Variants in MED1 observed in about 807,000 individuals in gnomAD.
MED1 encodes mediator of RNA polymerase II transcription subunit 1.
A neutral mutation model predicts 121.3 loss-of-function variants in MED1; 17 were observed. The observed-to-expected ratio is 0.14, with a 90% CI of 0.10 to 0.21. The LOEUF is 0.21. MED1 is among the 10% of genes least tolerant of loss of function. The pLI is 1.00. For synonymous variants in MED1, 661 were observed against 694.4 expected (o/e 0.95, Z 0.76); for missense variants, 1,558 against 1,919.4 (o/e 0.81, Z 3.52).
At chr17:39,450,040 C>T (rs1376843535) in intron 1 of MED1, among the ~76,000 whole-genome samples, 1 of 151,856 alleles carries the variant, frequency 6.6e-6, no homozygotes, top group African/African-American at 2.4e-5. Flanking sequence ...TCTCGATCTC[C>T]CAACCTCAGG....
At chr17:39,443,716 T>C (rs1261865834) in intron 2 of MED1, 88 bp from the exon 3 acceptor site, 1 of 1,050,006 alleles carries the variant, frequency 9.5e-7, no homozygotes, top group Non-Finnish European at 1.5e-6. Flanking sequence ...AGTAGTAATA[T>C]TGCAGGACAG....
At chr17:39,434,595 G>GTT (rs1421293157) in intron 6 of MED1, among the ~76,000 whole-genome samples, 1 of 152,182 alleles carries the variant, frequency 6.6e-6, no homozygotes, top group Admixed American at 6.6e-5. Context: ...TTTACCAGGT[G>GTT]TTTTATTAGC....
intron 6 of MED1, among the ~76,000 whole-genome samples, chr17:39,435,340 C>G (rs1328735153): frequency 6.6e-6 from 1 of 152,080 alleles, no homozygotes; most frequent in African/African-American, 2.4e-5. Context: ...CAGATCTACC[C>G]TAGAAAACAT....
rs2048311787 is a variant in MED1 at position 39,407,348 on chromosome 17, A to G, written c.*127T>C. The G allele has an allele frequency of 7.0e-7, 1 of 1,429,472 alleles. No individual in the cohort carries two copies. Among genetic ancestry groups the G allele is most frequent in the Non-Finnish European group, 9.1e-7 (1 of 1,095,666 alleles). 88.5% of individuals were successfully genotyped at this position (1,429,472 alleles called of 1,614,324 possible). A position where few individuals can be genotyped will look rare whatever the true frequency, so the allele number is the denominator to read the frequency against. The stretch of plus-strand genomic sequence containing the variant: ...TTTCTAATTCACCCAGCTTGATGTC[A>G]AAGCCATGCCATTTAGGATTCTTAA... On this transcript the variant is annotated 3_prime_UTR_variant, in exon 17 of 17. Coordinates refer to ENST00000300651, the MANE Select transcript of MED1 (RefSeq NM_004774.4).
chr17:39,431,818 AT>A (rs2048567390), intron 8 of MED1, 123 bp downstream of exon 8: 1 of 633,912 alleles, frequency 1.6e-6, no homozygotes, highest in Non-Finnish European at 2.7e-6. Context: ...AAATACAATC[AT>A]CATTTTGGAA....
At chr17:39,417,000 T>A (rs923637118) in intron 14 of MED1, among the ~76,000 whole-genome samples, 11 of 152,218 alleles carry the variant, frequency 7.2e-5, no homozygotes, top group African/African-American at 2.6e-4. Context: ...ACTGTACCAC[T>A]GCTTTCCAAT....
At position 39,409,767 on chromosome 17, in the gene MED1, A is replaced by T. The variant is rs973262194; in HGVS notation, c.2454T>A (p.Ser818Arg). ...RDSSSSGHSQSTLFDSDVFQT... is the reference protein window; with the variant it reads ...RDSSSSGHSQRTLFDSDVFQT... ...GAAAGACATCAGAGTCAAACAGGGT[A>T]CTCTGAGAATGCCCAGAGCTTGAAG... The change falls in exon 17 of 17, where the codon AGT (serine) becomes AGA (arginine). Residue 818 changes from serine to arginine, a missense_variant. Physicochemically the swap from Ser to Arg is moderately radical, Grantham distance 110. Coordinates refer to ENST00000300651, the MANE Select transcript of MED1 (RefSeq NM_004774.4). 4 of 1,614,018 alleles carry T rather than the reference A, an allele frequency of 2.5e-6. No individual in the cohort carries two copies. Among genetic ancestry groups the T allele is most frequent in the Middle Eastern group, 1.6e-4 (1 of 6,082 alleles).
intron 9 of MED1, among the ~76,000 whole-genome samples, chr17:39,428,548 G>C (rs1006924454): frequency 1.3e-5 from 2 of 151,936 alleles, no homozygotes; most frequent in Non-Finnish European, 2.9e-5. Flanking sequence ...AGCTACTCAG[G>C]AAGTTAAGGT....
intron 3 of MED1, among the ~76,000 whole-genome samples, chr17:39,441,595 C>A (rs1025254043): frequency 1.3e-5 from 2 of 152,076 alleles, no homozygotes; most frequent in Admixed American, 1.3e-4. Context: ...CGTGGTGAAA[C>A]CCTGTCTCTA....
intron 16 of MED1, among the ~76,000 whole-genome samples, chr17:39,411,641 C>T (rs1456925168): frequency 2.6e-5 from 4 of 151,552 alleles, no homozygotes; most frequent in Non-Finnish European, 5.9e-5. Flanking sequence ...AAGAAAATGT[C>T]GTCCTCTGGG....
Position 39,427,722 on chromosome 17 carries a change from TG to T in MED1, c.717del (p.Ile240SerfsTer14). ...TTACCATTATTCTCATGCAAAATGA[TG>T]GGAGATGCAGTCTTGTCATCCAGTA... is the stretch of plus-strand genomic sequence containing the variant. ...SDLLDDKTAS[P>X]IILHENNVSR... is the part of the protein sequence containing the mutation. On this transcript the variant is annotated frameshift_variant, in exon 10 of 17. Transcript: ENST00000300651. LOFTEE classifies it high-confidence loss of function. The T allele has an allele frequency of 6.2e-7, 1 of 1,600,334 alleles. No individual in the cohort carries two copies.
intron 13 of MED1, among the ~76,000 whole-genome samples, chr17:39,422,364 C>T (rs2048473402): frequency 6.7e-6 from 1 of 149,814 alleles, no homozygotes; most frequent in African/African-American, 2.5e-5. Context: ...TGGGGTTTCA[C>T]CCTGTTGGCC....
At chr17:39,436,272 A>G (rs1232420004) in intron 6 of MED1, among the ~76,000 whole-genome samples, 1 of 151,368 alleles carries the variant, frequency 6.6e-6, no homozygotes, top group African/African-American at 2.4e-5. Context: ...GAGGCAGGAG[A>G]ATGGCATGAA....
chr17:39,442,354 T>C (rs1375344932), intron 3 of MED1, among the ~76,000 whole-genome samples: 1 of 151,882 alleles, frequency 6.6e-6, no homozygotes, highest in East Asian at 1.9e-4. Flanking sequence ...TCCCAGCAAT[T>C]TGGGAGGCCG....
At chr17:39,435,028 T>C (rs944229499) in intron 6 of MED1, among the ~76,000 whole-genome samples, 3 of 151,184 alleles carry the variant, frequency 2.0e-5, no homozygotes, top group African/African-American at 7.3e-5. Flanking sequence ...ATTAGCCGAG[T>C]GTGGTGGCGG....
At chr17:39,418,525 CCT>C (rs1440624614) in intron 14 of MED1, among the ~76,000 whole-genome samples, 1 of 151,236 alleles carries the variant, frequency 6.6e-6, no homozygotes, top group Non-Finnish European at 1.5e-5. Context: ...AGAGTGAGAC[CCT>C]GTCTCAAAAA....
intron 9 of MED1, among the ~76,000 whole-genome samples, chr17:39,429,872 A>G (rs2048549814): frequency 1.3e-5 from 2 of 151,748 alleles, no homozygotes; most frequent in African/African-American, 2.4e-5. Flanking sequence ...AGATCACTTG[A>G]TCCCAGTTCA....
intron 1 of MED1, among the ~76,000 whole-genome samples, 158 bp downstream of exon 1, chr17:39,450,880 C>T (rs1266082318): frequency 6.6e-6 from 1 of 152,082 alleles, no homozygotes; most frequent in Non-Finnish European, 1.5e-5. Context: ...CTATAATCAC[C>T]AAGGAGGGTA....
chr17:39,405,064 C>T lies in MED1; in HGVS notation c.*2411G>A, dbSNP rs1288912272. On this transcript the variant is annotated 3_prime_UTR_variant, in exon 17 of 17. Coordinates refer to ENST00000300651, the MANE Select transcript of MED1 (RefSeq NM_004774.4). ...GTAGAAGTTGACTTCATGTCCTTGC[C>T]TTCTTTTGAAACAGAAGAATGAGTA... 7.5e-6 allele frequency: 6 copies of T among 802,478 alleles called. No homozygotes were observed. Among genetic ancestry groups the T allele is most frequent in the Non-Finnish European group, 1.1e-5 (6 of 548,258 alleles). 49.7% of individuals were successfully genotyped at this position (802,478 alleles called of 1,614,324 possible).
Sources: allele counts gnomAD v4.1 joint callset (sites outside exome capture counted in the v4.1 genomes callset), GRCh38; gene constraint gnomAD v4.1.1; transcripts MANE v1.5; gene names NCBI Gene and HGNC (gene_info 2026-07-23, HGNC 2026-07-21).